LIPC: variants seen among roughly 807,000 people sequenced by gnomAD.
LIPC encodes the protein lipase C, hepatic type, also known as hepatic triacylglycerol lipase.
A neutral mutation model predicts 50.7 loss-of-function variants in LIPC; 44 were observed. The observed-to-expected ratio is 0.87, with a 90% CI of 0.68 to 1.11. The LOEUF is 1.11. Ranked by LOEUF, LIPC falls within the 50% of genes most tolerant of loss-of-function variation. The probability of loss-of-function intolerance (pLI) is 0.00; values close to 1 mark genes in which losing one functional copy is unlikely to be tolerated. For missense variants in LIPC, 697 were observed against 648.2 expected (o/e 1.08, Z -0.82); for synonymous variants, 271 against 256.4 (o/e 1.06, Z -0.54).
intron 1 of LIPC, among the ~76,000 whole-genome samples, chr15:58,496,952 T>C (rs542707462): frequency 1.3e-5 from 2 of 152,256 alleles, no homozygotes; most frequent in African/African-American, 4.8e-5. Flanking sequence ...CCCAAAGTGC[T>C]GGGATTACAG....
intron 1 of LIPC, among the ~76,000 whole-genome samples, chr15:58,520,342 G>T (rs1436563071): frequency 1.3e-5 from 2 of 152,118 alleles, no homozygotes; most frequent in African/African-American, 2.4e-5. Flanking sequence ...CCCCAAAGTA[G>T]TTCCACAAGA....
chr15:58,449,519 AG>A (rs1489178343), intron 1 of LIPC, among the ~76,000 whole-genome samples: 2 of 151,466 alleles, frequency 1.3e-5, no homozygotes, highest in Non-Finnish European at 2.9e-5. Context: ...TAATCCATGC[AG>A]GTTGCTGGGA....
Position 58,545,017 on chromosome 15 carries a change from G to A in LIPC, c.575-725G>A, listed in dbSNP as rs552464576. On this transcript the variant is annotated intron_variant, in intron 4 of 8. Transcript: ENST00000299022. Reference sequence around the variant, plus strand: ...GAAATGTCCCGCGGCTGTTCTGGACGTTCTAATGAAATGACATCTTAGGAG... The same window carrying A: ...GAAATGTCCCGCGGCTGTTCTGGACATTCTAATGAAATGACATCTTAGGAG... Among the ~76,000 whole-genome samples, 58 of 152,268 alleles carry A rather than the reference G, an allele frequency of 3.8e-4. No homozygotes were observed. The South Asian group carries it at 0.011, about 29-fold the overall frequency.
chr15:58,558,926 C>G (rs1183792937), intron 6 of LIPC, among the ~76,000 whole-genome samples: 2 of 152,152 alleles, frequency 1.3e-5, no homozygotes, highest in Non-Finnish European at 2.9e-5. Flanking sequence ...TTAGTAAACC[C>G]AAGAGATATC....
In LIPC at chr15:58,468,731, G is replaced by C. The variant is rs553358903; in HGVS notation, c.88+36611G>C. ...GAAAGGCCCACCCCAGACCAGTTCA[G>C]ATCTAAAGACAGCCTGGACTGACAA... On this transcript the variant is annotated intron_variant, in intron 1 of 8. Coordinates refer to ENST00000299022, the MANE Select transcript of LIPC (RefSeq NM_000236.3). Among the ~76,000 whole-genome samples, 5 of 152,292 alleles carry C rather than the reference G, an allele frequency of 3.3e-5. No homozygotes were observed. In the East Asian group the frequency reaches 9.6e-4, roughly 29 times the overall value.
intron 1 of LIPC, among the ~76,000 whole-genome samples, chr15:58,504,545 G>A (rs1183793522): frequency 6.6e-6 from 1 of 152,182 alleles, no homozygotes; most frequent in Non-Finnish European, 1.5e-5. Flanking sequence ...AGGGTGGCTT[G>A]AGAACTACAC....
chr15:58,483,452 A>G (rs1373049543), intron 1 of LIPC, among the ~76,000 whole-genome samples: 1 of 152,156 alleles, frequency 6.6e-6, no homozygotes, highest in African/African-American at 2.4e-5. Flanking sequence ...TCCTGAGGGT[A>G]GAAGAAGATT....
chr15:58,506,780 T>G (rs1470401492), intron 1 of LIPC, among the ~76,000 whole-genome samples: 1 of 152,116 alleles, frequency 6.6e-6, no homozygotes, highest in Non-Finnish European at 1.5e-5. Context: ...GCTACAGGTG[T>G]GGGGGTGTGT....
intron 1 of LIPC, among the ~76,000 whole-genome samples, chr15:58,510,152 C>T (rs1282215726): frequency 1.3e-5 from 2 of 152,182 alleles, no homozygotes; most frequent in African/African-American, 4.8e-5. Flanking sequence ...GGGTGGAAGA[C>T]ACAATAGACA....
chr15:58,550,753 A>G (rs1292990036), intron 6 of LIPC, among the ~76,000 whole-genome samples: 1 of 151,566 alleles, frequency 6.6e-6, no homozygotes, highest in Admixed American at 6.6e-5. Context: ...TCAGGAACCG[A>G]AAGCCCCAGG....
chr15:58,474,119 T>C (rs1477577346), intron 1 of LIPC, among the ~76,000 whole-genome samples: 1 of 152,158 alleles, frequency 6.6e-6, no homozygotes, highest in Non-Finnish European at 1.5e-5. Context: ...CAACCCTCCT[T>C]TGCTGAAATC....
intron 5 of LIPC, among the ~76,000 whole-genome samples, chr15:58,548,081 GAGTGCTCTCAGGATCCCGGC>G (rs1476701970): frequency 2.0e-5 from 3 of 152,078 alleles, no homozygotes; most frequent in African/African-American, 7.2e-5. Context: ...TGTCATAAAG[GAGTGCTCTCAGGATCCCGGC>G]AGTGCCCGGG....
chr15:58,457,330 A>G (rs1894166232), intron 1 of LIPC, among the ~76,000 whole-genome samples: 1 of 152,168 alleles, frequency 6.6e-6, no homozygotes, highest in Non-Finnish European at 1.5e-5. Flanking sequence ...TGCTGGTCTC[A>G]AACTCCCGAC....
At chr15:58,529,740 C>T (rs1892902083) in intron 1 of LIPC, among the ~76,000 whole-genome samples, 1 of 152,156 alleles carries the variant, frequency 6.6e-6, no homozygotes, top group Non-Finnish European at 1.5e-5. Context: ...AGGATGCTGG[C>T]TTGAATGTCA....
intron 1 of LIPC, among the ~76,000 whole-genome samples, chr15:58,460,631 C>G (rs1469865390): frequency 6.6e-6 from 1 of 152,206 alleles, no homozygotes; most frequent in African/African-American, 2.4e-5. Flanking sequence ...TGTTCAAGGT[C>G]ACTCAGCCAG....
chr15:58,496,686 C>G lies in LIPC; in HGVS notation c.89-41647C>G, dbSNP rs1001295576. 2.0e-5 allele frequency among the ~76,000 whole-genome samples: 3 copies of G among 146,358 alleles called. No individual in the cohort carries two copies. The East Asian group carries it at 6.0e-4, about 29-fold the overall frequency. On this transcript the variant is annotated intron_variant, in intron 1 of 8. Transcript: ENST00000299022. Reference sequence around the variant, plus strand: ...TAATTATGCGTTAGCACAATTTAGACGAATACTCACAAAATTAAGCAGAGA... The same window carrying G: ...TAATTATGCGTTAGCACAATTTAGAGGAATACTCACAAAATTAAGCAGAGA...
At chr15:58,563,423 A>G (rs576727737) in intron 7 of LIPC, 82 bp from the exon 8 acceptor site, 1 of 1,176,132 alleles carries the variant, frequency 8.5e-7, no homozygotes, top group South Asian at 1.2e-5. Flanking sequence ...TCAGGGAAAC[A>G]CAACACATCC....
chr15:58,495,583 G>A (rs375046716), intron 1 of LIPC, among the ~76,000 whole-genome samples: 19 of 152,172 alleles, frequency 1.2e-4, no homozygotes, highest in East Asian at 1.2e-3. Flanking sequence ...TCACAGCAAC[G>A]CTGAAGTGGC....
intron 1 of LIPC, among the ~76,000 whole-genome samples, chr15:58,482,714 C>T (rs1270081034): frequency 6.6e-6 from 1 of 152,178 alleles, no homozygotes; most frequent in Non-Finnish European, 1.5e-5. Flanking sequence ...CTGAGAAGTA[C>T]ATCCTGTATT....
Sources: gnomAD v4.1 joint callset for allele counts (sites outside exome capture counted in the v4.1 genomes callset) on GRCh38, gnomAD v4.1.1 for gene constraint, MANE v1.5 for transcripts, NCBI Gene and HGNC (gene_info 2026-07-23, HGNC 2026-07-21) for gene names.